Variants in ADCY2 observed in about 807,000 individuals in gnomAD.
ADCY2 encodes the protein adenylate cyclase type 2.
Under a neutral mutation model 125.2 loss-of-function variants are expected in ADCY2, and 31 were observed. The observed-to-expected ratio is 0.25, with a 90% CI of 0.19 to 0.33. The LOEUF (loss-of-function observed/expected upper bound fraction) is 0.33, where lower values mean the gene tolerates loss of function less well. Ranked by LOEUF, ADCY2 falls within the 10% of genes least tolerant of loss-of-function variation. ADCY2 has a pLI of 1.00. For missense variants in ADCY2, 904 were observed against 1,418.2 expected (o/e 0.64, Z 5.82); for synonymous variants, 512 against 548.4 (o/e 0.93, Z 0.93).
At chr5:7,465,967 A>G (rs16878674) in intron 2 of ADCY2, among the ~76,000 whole-genome samples, 5,726 of 152,228 alleles carry the variant, frequency 0.038, 336 homozygotes, top group African/African-American at 0.13. Context: ...ATTGGAGAAA[A>G]TCTTGGAAAA....
intron 2 of ADCY2, among the ~76,000 whole-genome samples, chr5:7,511,009 C>A (rs1370579544): frequency 1.3e-5 from 2 of 152,156 alleles, no homozygotes; most frequent in African/African-American, 4.8e-5. Flanking sequence ...TTGCTGAGAA[C>A]CTGCCTCTGC....
intron 2 of ADCY2, among the ~76,000 whole-genome samples, chr5:7,445,142 T>C (rs1220564746): frequency 6.6e-6 from 1 of 152,216 alleles, no homozygotes; most frequent in Middle Eastern, 3.2e-3. Context: ...TGGAGACATA[T>C]TTAGGAAGTC....
chr5:7,525,768 G>A (rs757743251), intron 3 of ADCY2, among the ~76,000 whole-genome samples: 6 of 152,062 alleles, frequency 3.9e-5, no homozygotes, highest in Non-Finnish European at 8.8e-5. Context: ...CCTTTCAATT[G>A]CAGCTCCCTT....
intron 3 of ADCY2, among the ~76,000 whole-genome samples, chr5:7,589,274 A>C (rs762712068): frequency 5.3e-4 from 80 of 151,956 alleles, no homozygotes; most frequent in Non-Finnish European, 9.0e-4. Flanking sequence ...GATGAAAAAC[A>C]TACACTGTAA....
At chr5:7,756,290 A>G (rs1282613787) in intron 15 of ADCY2, among the ~76,000 whole-genome samples, 1 of 152,218 alleles carries the variant, frequency 6.6e-6, no homozygotes, top group Non-Finnish European at 1.5e-5. Context: ...GGGTGAGCTT[A>G]TGCACTGAGA....
At chr5:7,825,933 T>C (rs1745462168) in intron 24 of ADCY2, among the ~76,000 whole-genome samples, 1 of 152,228 alleles carries the variant, frequency 6.6e-6, no homozygotes, top group Non-Finnish European at 1.5e-5. Flanking sequence ...CTGCAGGGCC[T>C]GGACATGGTT....
chr5:7,475,602 G>A (rs560210723), intron 2 of ADCY2, among the ~76,000 whole-genome samples: 4 of 152,214 alleles, frequency 2.6e-5, no homozygotes, highest in East Asian at 3.9e-4. Flanking sequence ...GGCTGTTCTC[G>A]AACCCCTGAC....
intron 2 of ADCY2, among the ~76,000 whole-genome samples, chr5:7,431,563 A>G (rs1377953455): frequency 6.6e-6 from 1 of 150,518 alleles, no homozygotes; most frequent in Non-Finnish European, 1.5e-5. Flanking sequence ...AAATTTTATG[A>G]AAGTTGCTTT....
chr5:7,501,638 T>TC (rs1491185696), intron 2 of ADCY2, among the ~76,000 whole-genome samples: 78 of 27,944 alleles, frequency 2.8e-3, no homozygotes, highest in South Asian at 4.4e-3. Flanking sequence ...AAGAATGAGA[T>TC]TCCCCCCTCC....
chr5:7,565,782 G>C (rs754345582), intron 3 of ADCY2, among the ~76,000 whole-genome samples: 1 of 152,174 alleles, frequency 6.6e-6, no homozygotes, highest in Non-Finnish European at 1.5e-5. Context: ...GCCATATGCT[G>C]TCTGCTCCCC....
chr5:7,651,304 A>G (rs1349569804), intron 4 of ADCY2, among the ~76,000 whole-genome samples: 1 of 152,000 alleles, frequency 6.6e-6, no homozygotes, highest in East Asian at 1.9e-4. Flanking sequence ...TATAAAGGGG[A>G]GTTTATTAAG....
intron 3 of ADCY2, among the ~76,000 whole-genome samples, chr5:7,567,367 A>AT (rs1034559213): frequency 2.0e-5 from 3 of 152,070 alleles, no homozygotes; most frequent in Admixed American, 6.6e-5. Context: ...GCATTTGCTT[A>AT]TTTTTTTTCC....
At chr5:7,554,645 A>T (rs1735447332) in intron 3 of ADCY2, among the ~76,000 whole-genome samples, 2 of 152,108 alleles carry the variant, frequency 1.3e-5, no homozygotes, top group Admixed American at 1.3e-4. Flanking sequence ...TTTAATCATC[A>T]AGTTTTTTGT....
chr5:7,659,314 T>C (rs182076955), intron 4 of ADCY2, among the ~76,000 whole-genome samples: 16 of 152,354 alleles, frequency 1.1e-4, no homozygotes, highest in Admixed American at 3.9e-4. Flanking sequence ...CAATTTAAGA[T>C]GAGATTTGGC....
intron 2 of ADCY2, among the ~76,000 whole-genome samples, chr5:7,491,603 AAC>A (rs1229514458): frequency 3.9e-5 from 6 of 152,298 alleles, no homozygotes; most frequent in African/African-American, 7.2e-5. Flanking sequence ...TATATAGAAA[AAC>A]AGTTTATATA....
intron 24 of ADCY2, among the ~76,000 whole-genome samples, chr5:7,821,520 G>A (rs1579479330): frequency 6.6e-6 from 1 of 152,138 alleles, no homozygotes; most frequent in African/African-American, 2.4e-5. Flanking sequence ...CAATAATTCC[G>A]CACCCACGTC....
intron 3 of ADCY2, among the ~76,000 whole-genome samples, chr5:7,561,823 C>A (rs1179304703): frequency 6.6e-6 from 1 of 152,156 alleles, no homozygotes; most frequent in Non-Finnish European, 1.5e-5. Flanking sequence ...TGCCTTTATG[C>A]CTTGCTGTCT....
At chr5:7,686,432 G>A (rs950926166) in intron 4 of ADCY2, among the ~76,000 whole-genome samples, 1 of 152,124 alleles carries the variant, frequency 6.6e-6, no homozygotes, top group African/African-American at 2.4e-5. Flanking sequence ...ATAATTGGAG[G>A]TTTAACAAAG....
intron 11 of ADCY2, among the ~76,000 whole-genome samples, chr5:7,713,233 G>A (rs1335889067): frequency 6.6e-6 from 1 of 152,102 alleles, no homozygotes; most frequent in Non-Finnish European, 1.5e-5. Context: ...TTTTCTGCCT[G>A]TAATCCCAGC....
Sources: gnomAD v4.1 joint callset for allele counts (sites outside exome capture counted in the v4.1 genomes callset) on GRCh38, gnomAD v4.1.1 for gene constraint, MANE v1.5 for transcripts, NCBI Gene and HGNC (gene_info 2026-07-23, HGNC 2026-07-21) for gene names.